The following BOC variants were observed in gnomAD, a reference collection of about 807,000 sequenced individuals.
The protein encoded by BOC is brother of CDO.
BOC carries 76 observed loss-of-function variants against 112.0 expected under a neutral mutation model. The ratio of observed to expected loss-of-function variants is 0.68; its 90% CI spans 0.56 to 0.82. BOC has a LOEUF of 0.82. BOC is among the 40% of genes least tolerant of loss of function. BOC has a pLI of 0.00. For synonymous variants in BOC, 580 were observed against 599.8 expected (o/e 0.97, Z 0.48); for missense variants, 1,309 against 1,511.7 (o/e 0.87, Z 2.22).
intron 2 of BOC, among the ~76,000 whole-genome samples, chr3:113,216,768 G>A (rs191164197): frequency 1.3e-5 from 2 of 152,262 alleles, no homozygotes; most frequent in Admixed American, 1.3e-4. Flanking sequence ...CTTCAAAGAA[G>A]GCCTTTGATG....
chr3:113,253,130 C>T (rs548916968), intron 4 of BOC, among the ~76,000 whole-genome samples: 15 of 152,130 alleles, frequency 9.9e-5, no homozygotes, highest in Non-Finnish European at 7.4e-5. Context: ...TTGGAGTATA[C>T]CCTTCCAGTC....
At chr3:113,232,108 C>G (rs555225242) in intron 2 of BOC, among the ~76,000 whole-genome samples, 15 of 152,144 alleles carry the variant, frequency 9.9e-5, no homozygotes, top group Non-Finnish European at 1.5e-4. Context: ...ATCCCCACCC[C>G]CTCTGCTCCT....
At chr3:113,273,815 G>A (rs1250219895) in intron 8 of BOC, among the ~76,000 whole-genome samples, 8 of 152,264 alleles carry the variant, frequency 5.3e-5, no homozygotes, top group South Asian at 2.1e-4. Context: ...CAGCATTATC[G>A]GGTGCCCATG....
intron 16 of BOC, among the ~76,000 whole-genome samples, chr3:113,283,911 CCT>C (rs934765702): frequency 6.6e-6 from 1 of 151,950 alleles, no homozygotes. Context: ...GCTCCTCTGA[CCT>C]CACATTCCTA....
chr3:113,279,819 A>C lies in BOC; in HGVS notation c.2024-5A>C. 6.2e-7 allele frequency: 1 copy of C among 1,600,890 alleles called. No individual in the cohort carries two copies. The highest frequency in any genetic ancestry group is 8.5e-7 in the Non-Finnish European group (1 of 1,172,732). On this transcript the variant is annotated splice_region_variant and splice_polypyrimidine_tract_variant and intron_variant, in intron 12 of 19. Transcript: ENST00000682979. ...CCTGAGTTCAGTGAGTGTCCCTCTC[A>C]CCAGGCACCTCCTACAAGTTTCGAG... is the stretch of plus-strand genomic sequence containing the variant.
rs139081595 is a variant in BOC, at chr3:113,255,013, C to T, written c.376+4180C>T. 2.2e-3 allele frequency among the ~76,000 whole-genome samples: 341 copies of T among 152,250 alleles called. 1 individual carries two copies. The highest frequency in any genetic ancestry group is 3.7e-3 in the Non-Finnish European group (249 of 68,014). The stretch of plus-strand genomic sequence containing the variant: ...CTCCCTCCCTCCACCCCAGGTTGTC[C>T]TGGCCATGTGGGTAATGGCTGCTGC... On this transcript the variant is annotated intron_variant, in intron 4 of 19. Transcript: ENST00000682979.
intron 6 of BOC, chr3:113,272,078 ATATC>A (rs1948180233): frequency 2.8e-6 from 1 of 354,046 alleles, no homozygotes; most frequent in African/African-American, 2.0e-5. Flanking sequence ...GCAGAAAGAA[ATATC>A]TGTACCATTT....
chr3:113,241,489 C>G (rs889444015), intron 2 of BOC, among the ~76,000 whole-genome samples: 13 of 152,158 alleles, frequency 8.5e-5, no homozygotes, highest in Non-Finnish European at 1.5e-5. Context: ...TGGCAGTCCT[C>G]ACACCTAACC....
chr3:113,219,254 C>A (rs765838283), intron 2 of BOC, among the ~76,000 whole-genome samples: 4 of 152,184 alleles, frequency 2.6e-5, no homozygotes, highest in Non-Finnish European at 5.9e-5. Context: ...AACGGTGGAC[C>A]TGGAGGGCAA....
chr3:113,211,539 G>A (rs1205934018), upstream of BOC: 1 of 152,316 alleles, frequency 6.6e-6, no homozygotes, highest in Non-Finnish European at 1.5e-5. Context: ...AGCAAAAGAA[G>A]GAATTGTTTG....
intron 4 of BOC, among the ~76,000 whole-genome samples, chr3:113,267,504 C>G (rs1017852904): frequency 6.6e-6 from 1 of 152,188 alleles, no homozygotes; most frequent in East Asian, 1.9e-4. Context: ...GCCATTAAGC[C>G]ACCCTAGGGT....
intron 2 of BOC, among the ~76,000 whole-genome samples, chr3:113,244,525 T>C (rs964903906): frequency 1.3e-5 from 2 of 152,260 alleles, no homozygotes; most frequent in Admixed American, 6.5e-5. Flanking sequence ...TGCTGTCTAA[T>C]GTGGCAACCA....
At chr3:113,250,990 C>T (rs1441739472) in intron 4 of BOC, 157 bp downstream of exon 4, 7 of 931,714 alleles carry the variant, frequency 7.5e-6, no homozygotes, top group African/African-American at 6.6e-5. Flanking sequence ...CCTAGTAATG[C>T]CCAGTGATGG....
At chr3:113,262,848 C>G (rs920779297) in intron 4 of BOC, among the ~76,000 whole-genome samples, 4 of 152,174 alleles carry the variant, frequency 2.6e-5, no homozygotes, top group African/African-American at 7.2e-5. Context: ...CACAGGAGAG[C>G]CCCCATATTG....
At chr3:113,244,715 T>C (rs1429109768) in intron 2 of BOC, among the ~76,000 whole-genome samples, 1 of 152,200 alleles carries the variant, frequency 6.6e-6, no homozygotes, top group African/African-American at 2.4e-5. Context: ...AAGGGGCTTA[T>C]GCAATGAACA....
In BOC at chr3:113,253,407, A is replaced by C. The variant is rs1945867632; in HGVS notation, c.376+2574A>C. Among the ~76,000 whole-genome samples, 14 of 151,570 alleles carry C rather than the reference A, an allele frequency of 9.2e-5. 2 individuals are homozygous for C. The South Asian group carries it at 2.9e-3, about 32-fold the overall frequency. ...GATTTTGAGACCAGCCTAGGAACAA[A>C]AATTTTTTTTAAAAAAATAGCCAGG... On this transcript the variant is annotated intron_variant, in intron 4 of 19. Coordinates refer to ENST00000682979, the MANE Select transcript of BOC (RefSeq NM_001378074.1).
chr3:113,281,000 C>T (rs762532894), intron 14 of BOC, 31 bp from the exon 15 acceptor site: 10 of 1,611,848 alleles, frequency 6.2e-6, no homozygotes, highest in Admixed American at 1.7e-5. Context: ...ATACACATTG[C>T]CATGCACCAT....
At chr3:113,282,878 G>A (rs1007304217) in intron 15 of BOC, among the ~76,000 whole-genome samples, 18 of 152,108 alleles carry the variant, frequency 1.2e-4, no homozygotes, top group Non-Finnish European at 1.5e-5. Flanking sequence ...GCTAAAGTGA[G>A]GAGCTGATGG....
At chr3:113,265,496 C>T (rs112367600) in intron 4 of BOC, among the ~76,000 whole-genome samples, 16 of 152,304 alleles carry the variant, frequency 1.1e-4, no homozygotes, top group Admixed American at 5.2e-4. Context: ...ATTCACAGCT[C>T]GCTTTGTGGG....
Sources: allele counts gnomAD v4.1 joint callset (sites outside exome capture counted in the v4.1 genomes callset), GRCh38; gene constraint gnomAD v4.1.1; transcripts MANE v1.5; gene names NCBI Gene and HGNC (gene_info 2026-07-23, HGNC 2026-07-21).